TTLL5: variants seen among roughly 807,000 people sequenced by gnomAD.
The protein encoded by TTLL5 is tubulin polyglutamylase TTLL5.
Under a neutral mutation model 168.4 loss-of-function variants are expected in TTLL5, and 132 were observed. That is an observed-to-expected ratio of 0.78 (90% CI 0.68 to 0.91). The LOEUF is 0.91. Among genes scored for constraint, TTLL5 ranks in the 40% least tolerant of loss-of-function variants. The pLI is 0.00. For synonymous variants in TTLL5, 546 were observed against 558.6 expected (o/e 0.98, Z 0.32); for missense variants, 1,545 against 1,581.5 (o/e 0.98, Z 0.39).
At chr14:75,880,119 T>G (rs1482813967) in intron 29 of TTLL5, among the ~76,000 whole-genome samples, 1 of 152,156 alleles carries the variant, frequency 6.6e-6, no homozygotes, top group Non-Finnish European at 1.5e-5. Flanking sequence ...ACTTCCAGAA[T>G]TGTTCTGTGC....
chr14:75,673,270 C>T (rs971780309), intron 3 of TTLL5, among the ~76,000 whole-genome samples: 2 of 152,176 alleles, frequency 1.3e-5, no homozygotes, highest in Non-Finnish European at 2.9e-5. Flanking sequence ...TTTAAAGACC[C>T]AATTTTAAAA....
At chr14:75,735,345 G>T in intron 15 of TTLL5, 56 bp downstream of exon 15, 1 of 1,559,508 alleles carries the variant, frequency 6.4e-7, no homozygotes, top group South Asian at 1.1e-5. Context: ...AGTGGCGGCT[G>T]ATGTAACTGT....
Position 75,770,478 on chromosome 14 carries a change from G to T in TTLL5, c.2016-1256G>T, listed in dbSNP as rs546699132. Among the ~76,000 whole-genome samples the T allele has an allele frequency of 3.3e-5, 5 of 152,278 alleles. No homozygotes were observed. The East Asian group carries it at 7.7e-4, about 24-fold the overall frequency. On this transcript the variant is annotated intron_variant, in intron 20 of 31. Coordinates refer to ENST00000298832, the MANE Select transcript of TTLL5 (RefSeq NM_015072.5). ...AGTCAGTAGAAAGCATTCAGTGATT[G>T]CATTTGTGGGGATTGTAAACAAAGT... is the stretch of plus-strand genomic sequence containing the variant.
chr14:75,830,351 AAAGT>A (rs1433147399), intron 28 of TTLL5, among the ~76,000 whole-genome samples: 2 of 152,222 alleles, frequency 1.3e-5, no homozygotes, highest in African/African-American at 4.8e-5. Context: ...CAACAGATCA[AAAGT>A]AAGCCTATTA....
intron 29 of TTLL5, among the ~76,000 whole-genome samples, chr14:75,871,166 T>C (rs2031002958): frequency 6.6e-6 from 1 of 152,224 alleles, no homozygotes; most frequent in Non-Finnish European, 1.5e-5. Flanking sequence ...TCTTTCATTG[T>C]GTTAACTTAT....
chr14:75,826,943 T>A (rs995775302), intron 28 of TTLL5, among the ~76,000 whole-genome samples: 9 of 117,564 alleles, frequency 7.7e-5, no homozygotes, highest in African/African-American at 2.9e-4. Flanking sequence ...CCCTTCTCGC[T>A]GCTAAAAGAC....
At chr14:75,682,189 CAAAAAA>C (rs536041762) in intron 4 of TTLL5, among the ~76,000 whole-genome samples, 2 of 57,066 alleles carry the variant, frequency 3.5e-5, no homozygotes, top group African/African-American at 1.3e-4. Flanking sequence ...GACTCCGTCT[CAAAAAA>C]AAAAAAAAAA....
intron 31 of TTLL5, among the ~76,000 whole-genome samples, chr14:75,913,875 G>A (rs1187194719): frequency 3.3e-5 from 5 of 151,428 alleles, no homozygotes; most frequent in East Asian, 3.9e-4. Context: ...TTAGCTGGGC[G>A]TGGTGGCACA....
intron 28 of TTLL5, among the ~76,000 whole-genome samples, chr14:75,835,964 C>G (rs1454968117): frequency 6.6e-6 from 1 of 152,182 alleles, no homozygotes; most frequent in Non-Finnish European, 1.5e-5. Context: ...AGTACTACCA[C>G]TATGGAGAAC....
chr14:75,720,760 C>T lies in TTLL5; in HGVS notation c.1042+57C>T, dbSNP rs80249665. On this transcript the variant is annotated intron_variant, in intron 12 of 31. Coordinates refer to ENST00000298832, the MANE Select transcript of TTLL5 (RefSeq NM_015072.5). ...GTGAAGAGGATCTTGGGAAGTTGGACGGGATTTTAGGGTAGAGAGGCTTAG... is the reference window on the plus strand; with the variant it reads ...GTGAAGAGGATCTTGGGAAGTTGGATGGGATTTTAGGGTAGAGAGGCTTAG... 5.2e-4 allele frequency: 763 copies of T among 1,463,736 alleles called. 1 individual carries two copies. In the African/African-American group the frequency reaches 8.9e-3, roughly 17 times the overall value. 90.7% of individuals were successfully genotyped at this position (1,463,736 alleles called of 1,614,324 possible).
chr14:75,712,686 T>C (rs1377633758), intron 9 of TTLL5, among the ~76,000 whole-genome samples: 2 of 151,964 alleles, frequency 1.3e-5, no homozygotes, highest in African/African-American at 4.8e-5. Context: ...GCCAAGTCCC[T>C]ACCATATGCC....
In TTLL5 at chr14:75,720,617, A is replaced by T; in HGVS notation, c.956A>T (p.Asp319Val). 6.2e-7 allele frequency: 1 copy of T among 1,613,570 alleles called. No homozygotes were observed. The highest frequency in any genetic ancestry group is 8.5e-7 in the Non-Finnish European group (1 of 1,179,614). The change falls in exon 12 of 32, where the codon GAC becomes GTC. Residue 319 changes from aspartate (D) to valine (V), a missense_variant. Coordinates refer to ENST00000298832, the MANE Select transcript of TTLL5 (RefSeq NM_015072.5). The part of the protein sequence containing the change: ...DTTALMAHVE[D>V]LIIKTIISAE... ...GCAGCATTGATGGCCCATGTAGAAG[A>T]CCTGATCATTAAGACTATAATCTCT...
At chr14:75,672,771 T>C (rs1883844534) in intron 3 of TTLL5, among the ~76,000 whole-genome samples, 1 of 152,176 alleles carries the variant, frequency 6.6e-6, no homozygotes, top group African/African-American at 2.4e-5. Flanking sequence ...TTTATTTAGC[T>C]TATCTAACTT....
At chr14:75,901,498 C>T (rs1317076806) in intron 30 of TTLL5, among the ~76,000 whole-genome samples, 1 of 152,198 alleles carries the variant, frequency 6.6e-6, no homozygotes, top group East Asian at 1.9e-4. Flanking sequence ...ATGCTGTGTA[C>T]ATTTCTCAGT....
intron 7 of TTLL5, among the ~76,000 whole-genome samples, chr14:75,705,353 T>G (rs1027267258): frequency 6.6e-6 from 1 of 152,206 alleles, no homozygotes; most frequent in Non-Finnish European, 1.5e-5. Flanking sequence ...GTCACAAAAT[T>G]ATCATATGAA....
chr14:75,795,510 T>A (rs745482858), intron 27 of TTLL5, among the ~76,000 whole-genome samples: 1 of 152,126 alleles, frequency 6.6e-6, no homozygotes, highest in Non-Finnish European at 1.5e-5. Flanking sequence ...TTCCAAGATT[T>A]TGGTGCACCT....
chr14:75,808,480 G>A (rs1030488188), intron 27 of TTLL5, among the ~76,000 whole-genome samples: 5 of 152,158 alleles, frequency 3.3e-5, no homozygotes, highest in Admixed American at 6.5e-5. Flanking sequence ...TGCTTTTGGA[G>A]GACTGTTCAA....
chr14:75,951,038 A>G (rs2034946168), intron 31 of TTLL5, among the ~76,000 whole-genome samples: 1 of 151,792 alleles, frequency 6.6e-6, no homozygotes, highest in African/African-American at 2.4e-5. Context: ...TGGATTTTCT[A>G]ATATTTTTTA....
At chr14:75,897,101 A>G (rs1352059352) in intron 30 of TTLL5, among the ~76,000 whole-genome samples, 1 of 152,216 alleles carries the variant, frequency 6.6e-6, no homozygotes, top group African/African-American at 2.4e-5. Flanking sequence ...GCATCTTTGA[A>G]CAACTTCTTT....
Sources: gnomAD v4.1 joint callset for allele counts (sites outside exome capture counted in the v4.1 genomes callset) on GRCh38, gnomAD v4.1.1 for gene constraint, MANE v1.5 for transcripts, NCBI Gene and HGNC (gene_info 2026-07-23, HGNC 2026-07-21) for gene names.